The following RFX2 variants were observed in gnomAD, a reference collection of about 807,000 sequenced individuals.
RFX2 encodes regulatory factor X2.
In RFX2, 20 loss-of-function variants were observed where a neutral mutation model predicts 87.8. That is an observed-to-expected ratio of 0.23 (90% confidence interval 0.16 to 0.33). RFX2 has a LOEUF of 0.33. Ranked by LOEUF, RFX2 falls within the 10% of genes least tolerant of loss-of-function variation. The pLI, the probability that RFX2 is intolerant of heterozygous loss-of-function variation, is 1.00. For missense variants in RFX2, 767 were observed against 1,012.3 expected (o/e 0.76, Z 3.29); for synonymous variants, 397 against 431.3 (o/e 0.92, Z 0.98).
intron 1 of RFX2, chr19:6,049,351 C>T (rs1267605627): frequency 6.6e-6 from 1 of 152,030 alleles, no homozygotes; most frequent in African/African-American, 2.4e-5. Flanking sequence ...TTCCTTGTTC[C>T]GCAGGTGGAA....
At chr19:6,107,522 C>A (rs904480745) in intron 1 of RFX2, among the ~76,000 whole-genome samples, 4 of 145,380 alleles carry the variant, frequency 2.8e-5, no homozygotes, top group Non-Finnish European at 4.4e-5. Context: ...GAGGCTGAGA[C>A]AGGTGAATCC....
intron 1 of RFX2, among the ~76,000 whole-genome samples, chr19:6,076,467 G>C (rs920996818): frequency 6.6e-6 from 1 of 152,190 alleles, no homozygotes; most frequent in Admixed American, 6.5e-5. Flanking sequence ...CGGTGCCTGG[G>C]TCCAGTTCCT....
rs1432046959 is a variant in RFX2 at position 6,017,322 on chromosome 19, T to C, written c.598-1051A>G. Among the ~76,000 whole-genome samples, 1 of 152,212 alleles carries C rather than the reference T, an allele frequency of 6.6e-6. No individual in the cohort carries two copies. Among genetic ancestry groups the C allele is most frequent in the Non-Finnish European group, 1.5e-5 (1 of 68,054 alleles). On this transcript the variant is annotated intron_variant, in intron 6 of 17. Coordinates refer to ENST00000303657, the MANE Select transcript of RFX2 (RefSeq NM_000635.4). This position sits in a 1 kb window ranked among gnomAD's most constrained non-coding sequence, Gnocchi z 4.1. ...GAGGTGAACATCCAGTTAGAAGGGC[T>C]GCGAGAACTGTCCACACGAAGAGCT...
At chr19:6,042,373 GC>G (rs2087123354) in intron 3 of RFX2, among the ~76,000 whole-genome samples, 1 of 152,152 alleles carries the variant, frequency 6.6e-6, no homozygotes, top group Admixed American at 6.5e-5. Context: ...GTGTCTGTGC[GC>G]CCTGGCTCCT....
At position 6,022,579 on chromosome 19, in the gene RFX2, G is replaced by T. The variant is rs921857401; in HGVS notation, c.597+3584C>A. ...TGAGGCCGCCTCTTCTGCTCAAGTC[G>T]GTGGCCTGCCACACCCGGTCGGGTG... On this transcript the variant is annotated intron_variant, in intron 6 of 17. Transcript: ENST00000303657. This position sits in a 1 kb window ranked among gnomAD's most constrained non-coding sequence, Gnocchi z 6.2. Among the ~76,000 whole-genome samples, 1 of 152,174 alleles carries T rather than the reference G, an allele frequency of 6.6e-6. No individual in the cohort carries two copies. The highest frequency in any genetic ancestry group is 1.5e-5 in the Non-Finnish European group (1 of 68,008).
At chr19:6,037,549 C>A (rs1342030608) in intron 5 of RFX2, among the ~76,000 whole-genome samples, 2 of 152,100 alleles carry the variant, frequency 1.3e-5, no homozygotes, top group Non-Finnish European at 2.9e-5. Flanking sequence ...AGAAAACGTA[C>A]CATGTTCATG....
intron 6 of RFX2, among the ~76,000 whole-genome samples, chr19:6,019,084 G>A (rs768948686): frequency 6.6e-6 from 1 of 152,032 alleles, no homozygotes; most frequent in Non-Finnish European, 1.5e-5. Context: ...GCAGGTGATC[G>A]TTAGCAGTTG....
intron 1 of RFX2, among the ~76,000 whole-genome samples, chr19:6,066,329 C>A (rs1449639936): frequency 2.0e-5 from 3 of 152,178 alleles, no homozygotes; most frequent in Non-Finnish European, 4.4e-5. Flanking sequence ...CCTCAGCCAA[C>A]CCTATCTGTG....
chr19:6,032,088 G>T (rs1218989254), intron 5 of RFX2, among the ~76,000 whole-genome samples: 1 of 151,966 alleles, frequency 6.6e-6, no homozygotes, highest in African/African-American at 2.4e-5. Context: ...AACCCTTTGG[G>T]GTCTTTATAG....
intron 9 of RFX2, among the ~76,000 whole-genome samples, chr19:6,009,340 C>T (rs979716546): frequency 1.2e-4 from 19 of 152,308 alleles, no homozygotes; most frequent in Admixed American, 5.2e-4. Context: ...CGCCCCCCAC[C>T]CCCCTGCCCT....
intron 6 of RFX2, among the ~76,000 whole-genome samples, 168 bp downstream of exon 6, chr19:6,025,995 G>C (rs1413618646): frequency 1.3e-5 from 2 of 151,836 alleles, no homozygotes; most frequent in Admixed American, 1.3e-4. Flanking sequence ...ATGTTGGCCA[G>C]GCTGGTCTCA....
At chr19:6,103,774 C>T (rs1023111081) in intron 1 of RFX2, among the ~76,000 whole-genome samples, 1 of 152,034 alleles carries the variant, frequency 6.6e-6, no homozygotes, top group African/African-American at 2.4e-5. Flanking sequence ...GAATTTCCTA[C>T]CCTAAAACAG....
In RFX2 at chr19:6,047,618, C is replaced by G; in HGVS notation, c.-8-114G>C. ...AGTAACCAGCTACATTCTTCAAAGT[C>G]GAAAGGCAGAGACCCTGGTGGTACT... On this transcript the variant is annotated intron_variant, in intron 1 of 17. Coordinates refer to ENST00000303657, the MANE Select transcript of RFX2 (RefSeq NM_000635.4). The surrounding 1 kb of genome is among the most constrained non-coding windows in gnomAD (Gnocchi z 4.2). 1.2e-6 allele frequency: 1 copy of G among 836,422 alleles called. No homozygotes were observed. The highest frequency in any genetic ancestry group is 1.9e-6 in the Non-Finnish European group (1 of 518,662). The allele number at this position is 836,422 out of a possible 1,614,324, so 51.8% of individuals were successfully genotyped here. A position where few individuals can be genotyped will look rare whatever the true frequency, so the allele number is the denominator to read the frequency against.
intron 1 of RFX2, among the ~76,000 whole-genome samples, chr19:6,072,366 C>T (rs1344687386): frequency 5.9e-5 from 9 of 152,176 alleles, no homozygotes; most frequent in Non-Finnish European, 1.3e-4. Context: ...CTGCCTGTTG[C>T]TGCTCTTGGA....
At position 6,011,226 on chromosome 19, in the gene RFX2, G is replaced by A. The variant is rs1381624741; in HGVS notation, c.900-975C>T. ...TTATTGGTGCAATCTTAGAAGTTCTGAGACTTTCATTTTGAGCCAGATGGT... is the reference window on the plus strand; with the variant it reads ...TTATTGGTGCAATCTTAGAAGTTCTAAGACTTTCATTTTGAGCCAGATGGT... On this transcript the variant is annotated intron_variant, in intron 8 of 17. Transcript: ENST00000303657. The surrounding 1 kb of genome is among the most constrained non-coding windows in gnomAD (Gnocchi z 4.8). Among the ~76,000 whole-genome samples the A allele has an allele frequency of 6.6e-6, 1 of 152,250 alleles. No homozygotes were observed. Among genetic ancestry groups the A allele is most frequent in the Non-Finnish European group, 1.5e-5 (1 of 68,050 alleles).
intron 16 of RFX2, among the ~76,000 whole-genome samples, 165 bp downstream of exon 16, chr19:5,996,895 G>C (rs1033717457): frequency 6.6e-6 from 1 of 152,216 alleles, no homozygotes; most frequent in Admixed American, 6.5e-5. Context: ...GTCCTGGCAC[G>C]GGTGGGCCCG....
Position 6,013,334 on chromosome 19 carries a change from A to G in RFX2, c.780-229T>C, listed in dbSNP as rs2086683954. On this transcript the variant is annotated intron_variant, in intron 7 of 17. Coordinates refer to ENST00000303657, the MANE Select transcript of RFX2 (RefSeq NM_000635.4). This position sits in a 1 kb window ranked among gnomAD's most constrained non-coding sequence, Gnocchi z 4.1. ...CCAAGTAGCTGGGATGACAGGCGTGAGCCATAATGCCTAGCTTATTTTTGT... is the reference window on the plus strand; with the variant it reads ...CCAAGTAGCTGGGATGACAGGCGTGGGCCATAATGCCTAGCTTATTTTTGT... 6.6e-6 allele frequency among the ~76,000 whole-genome samples: 1 copy of G among 151,614 alleles called. No homozygotes were observed. Among genetic ancestry groups the G allele is most frequent in the South Asian group, 2.1e-4 (1 of 4,796 alleles).
chr19:6,082,516 T>G (rs1345375125), intron 1 of RFX2, among the ~76,000 whole-genome samples: 1 of 152,112 alleles, frequency 6.6e-6, no homozygotes, highest in Non-Finnish European at 1.5e-5. Flanking sequence ...CACTTCATCC[T>G]CTAACTCCTG....
rs1045211649 is a variant in RFX2 at position 5,998,438 on chromosome 19, C to T, written c.1860-1225G>A. 6.6e-6 allele frequency among the ~76,000 whole-genome samples: 1 copy of T among 152,228 alleles called. No individual in the cohort carries two copies. Among genetic ancestry groups the T allele is most frequent in the Non-Finnish European group, 1.5e-5 (1 of 68,054 alleles). ...CCCCCAATGCCCAACTGCCCCGGCT[C>T]GAAGTATACTTTCATAAACTCTGTT... On this transcript the variant is annotated intron_variant, in intron 15 of 17. Coordinates refer to ENST00000303657, the MANE Select transcript of RFX2 (RefSeq NM_000635.4). The surrounding 1 kb of genome is among the most constrained non-coding windows in gnomAD (Gnocchi z 4.2).
Sources: gnomAD v4.1 joint callset for allele counts (sites outside exome capture counted in the v4.1 genomes callset) on GRCh38, gnomAD v4.1.1 for gene constraint, Gnocchi (gnomAD v3.1) non-coding constraint, MANE v1.5 for transcripts, NCBI Gene and HGNC (gene_info 2026-07-23, HGNC 2026-07-21) for gene names.